The following CEACAM6 variants were observed in gnomAD, a reference collection of about 807,000 sequenced individuals.
CEACAM6 encodes cell adhesion molecule CEACAM6.
A neutral mutation model predicts 32.4 loss-of-function variants in CEACAM6; 21 were observed. The ratio of observed to expected loss-of-function variants is 0.65; its 90% confidence interval spans 0.46 to 0.93. The LOEUF (loss-of-function observed/expected upper bound fraction) is 0.93, where lower values mean the gene tolerates loss of function less well. CEACAM6 is among the 40% of genes least tolerant of loss of function. The pLI, the probability that CEACAM6 is intolerant of heterozygous loss-of-function variation, is 0.00. For missense variants in CEACAM6, 406 were observed against 432.2 expected, an observed-to-expected ratio of 0.94 and a Z score of 0.54; for synonymous variants, 184 against 174.4, an observed-to-expected ratio of 1.06 and a Z score of -0.43.
rs782594731 is a variant in CEACAM6, at chr19:41,761,288, A to G, written c.464A>G (p.Asn155Ser). Residue 155 changes from asparagine (N) to serine (S), a missense_variant, in exon 3 of 6, where the codon AAC (asparagine) becomes AGC (serine). By Grantham distance (46) the Asn-to-Ser change is conservative (BLOSUM62 1). Transcript: ENST00000199764. ...PKPSISSNNSNPVEDKDAVAF... is the reference protein window; with the variant it reads ...PKPSISSNNSSPVEDKDAVAF... ...CCCTCCATCTCCAGCAACAACTCCA[A>G]CCCCGTGGAGGACAAGGATGCTGTG... The G allele has an allele frequency of 1.2e-6, 2 of 1,613,902 alleles. No individual in the cohort carries two copies. The highest frequency in any genetic ancestry group is 4.5e-5 in the East Asian group (2 of 44,844).
rs2072908737 is a variant in CEACAM6, at chr19:41,759,315, A to AT, written c.425-1934_425-1933insT. 4.6e-5 allele frequency among the ~76,000 whole-genome samples: 7 copies of AT among 152,308 alleles called. No homozygotes were observed. The South Asian group carries it at 1.2e-3, about 27-fold the overall frequency. On this transcript the variant is annotated intron_variant, in intron 2 of 5. Coordinates refer to ENST00000199764, the MANE Select transcript of CEACAM6 (RefSeq NM_002483.7). ...ACATAGACTCTGCCCAGTTTAGATG[A>AT]ACTTAAACTCTCATTGTGTTTTCTC...
intron 1 of CEACAM6, 133 bp from the exon 2 acceptor site, chr19:41,756,467 C>CACAT: frequency 7.6e-7 from 1 of 1,319,630 alleles, no homozygotes; most frequent in Non-Finnish European, 1.0e-6. Flanking sequence ...CACACACACA[C>CACAT]ACACACACAC....
At chr19:41,765,433 A>G (rs1270513972) in intron 4 of CEACAM6, among the ~76,000 whole-genome samples, 1 of 152,226 alleles carries the variant, frequency 6.6e-6, no homozygotes, top group Non-Finnish European at 1.5e-5. Flanking sequence ...AAAACAGTGC[A>G]AAGAATCAAG....
chr19:41,765,849 C>T (rs567010415), intron 4 of CEACAM6, among the ~76,000 whole-genome samples: 1 of 152,324 alleles, frequency 6.6e-6, no homozygotes, highest in East Asian at 1.9e-4. Context: ...CCAACAGGCT[C>T]TTATTCATGG....
Position 41,771,694 on chromosome 19 carries a change from C to T in CEACAM6, c.*933C>T, listed in dbSNP as rs1184044771. The stretch of plus-strand genomic sequence containing the variant: ...TAAATGTCTGCATGCAGCCAGCCAT[C>T]AAATAGTGAATGGTCTCTCTTTGGC... On this transcript the variant is annotated 3_prime_UTR_variant, in exon 6 of 6. Coordinates refer to ENST00000199764, the MANE Select transcript of CEACAM6 (RefSeq NM_002483.7). 1 of 152,172 alleles carries T rather than the reference C, an allele frequency of 6.6e-6. No individual in the cohort carries two copies. The highest frequency in any genetic ancestry group is 1.5e-5 in the Non-Finnish European group (1 of 68,038). 9.4% of individuals were successfully genotyped at this position (152,172 alleles called of 1,614,324 possible).
Position 41,766,158 on chromosome 19 carries a change from A to G in CEACAM6, c.959-25A>G, listed in dbSNP as rs782426203. 2.6e-6 allele frequency: 4 copies of G among 1,567,926 alleles called. No homozygotes were observed. The South Asian group carries it at 4.7e-5, about 18-fold the overall frequency. On this transcript the variant is annotated intron_variant, in intron 4 of 5. Transcript: ENST00000199764. ...CCCACTGTAGAATAACATCACCTTC[A>G]TTCCTTCTCTCTTCTTCCCACAAGG...
chr19:41,767,162 T>C (rs2072961695), intron 5 of CEACAM6, among the ~76,000 whole-genome samples: 1 of 152,208 alleles, frequency 6.6e-6, no homozygotes, highest in African/African-American at 2.4e-5. Context: ...TACACATCCC[T>C]GCCCCTTTAC....
At chr19:41,770,316 G>A (rs1301835346) in intron 5 of CEACAM6, among the ~76,000 whole-genome samples, 2 of 151,198 alleles carry the variant, frequency 1.3e-5, no homozygotes, top group Non-Finnish European at 2.9e-5. Context: ...CCAGTTACTC[G>A]GGAGGCTGAG....
Position 41,766,216 on chromosome 19 carries a change from TCGGCATCAC to T in CEACAM6, c.993_1001del (p.Gly332_Thr334del). ...CCTGTCCTCTCAGCTGTGGCCACCG[TCGGCATCAC>T]GATTGGAGTGCTGGCCAGGGTGGCT... On this transcript the variant is annotated inframe_deletion, in exon 5 of 6. Coordinates refer to ENST00000199764, the MANE Select transcript of CEACAM6 (RefSeq NM_002483.7). 1 of 1,608,240 alleles carries T rather than the reference TCGGCATCAC, an allele frequency of 6.2e-7. No homozygotes were observed. Among genetic ancestry groups the T allele is most frequent in the African/African-American group, 1.3e-5 (1 of 74,706 alleles).
intron 5 of CEACAM6, 93 bp downstream of exon 5, chr19:41,766,392 G>T: frequency 5.3e-6 from 3 of 564,894 alleles, no homozygotes; most frequent in Admixed American, 7.6e-5. Context: ...TCTGGGACTG[G>T]ATCTCCTTCT....
intron 5 of CEACAM6, 75 bp downstream of exon 5, chr19:41,766,374 C>T (rs1041931559): frequency 1.5e-6 from 1 of 667,018 alleles, no homozygotes; most frequent in Non-Finnish European, 2.5e-6. Context: ...AAAACTTCTT[C>T]ACCTGTATCT....
Position 41,755,609 on chromosome 19 carries a change from A to T in CEACAM6, c.-30A>T. On this transcript the variant is annotated 5_prime_UTR_variant, in exon 1 of 6. Coordinates refer to ENST00000199764, the MANE Select transcript of CEACAM6 (RefSeq NM_002483.7). ...TTCCTGGAGCTCAAGCTCCTCTACA[A>T]AGAGGTGGACAGAGAAGACAGCAGA... 1 of 1,609,274 alleles carries T rather than the reference A, an allele frequency of 6.2e-7. No individual in the cohort carries two copies. Among genetic ancestry groups the T allele is most frequent in the Non-Finnish European group, 8.5e-7 (1 of 1,176,216 alleles).
intron 4 of CEACAM6, 53 bp downstream of exon 4, chr19:41,762,276 T>C: frequency 6.3e-7 from 1 of 1,577,742 alleles, no homozygotes; most frequent in Non-Finnish European, 8.6e-7. Context: ...AGTCTGGCTC[T>C]CAGAGAAGAG....
At chr19:41,761,225 A>G in intron 2 of CEACAM6, 24 bp from the exon 3 acceptor site, 1 of 1,614,082 alleles carries the variant, frequency 6.2e-7, no homozygotes, top group Non-Finnish European at 8.5e-7. Flanking sequence ...ACACAGGGCA[A>G]TCTTCTCTCT....
intron 2 of CEACAM6, among the ~76,000 whole-genome samples, chr19:41,758,334 CAGG>C (rs1211129877): frequency 6.6e-6 from 1 of 152,232 alleles, no homozygotes; most frequent in African/African-American, 2.4e-5. Context: ...CACGCTCGCT[CAGG>C]AGTTCTCTCT....
intron 4 of CEACAM6, among the ~76,000 whole-genome samples, chr19:41,765,719 G>C (rs1184106041): frequency 6.6e-6 from 1 of 152,130 alleles, no homozygotes; most frequent in Non-Finnish European, 1.5e-5. Context: ...CACAGACCTG[G>C]GCTTGCTTTC....
intron 5 of CEACAM6, among the ~76,000 whole-genome samples, chr19:41,768,144 A>G (rs1470275091): frequency 6.6e-6 from 1 of 151,820 alleles, no homozygotes; most frequent in Non-Finnish European, 1.5e-5. Flanking sequence ...GGGATTTGGC[A>G]GGGTCATAGG....
chr19:41,769,539 C>T (rs2072979370), intron 5 of CEACAM6, among the ~76,000 whole-genome samples: 1 of 151,722 alleles, frequency 6.6e-6, no homozygotes, highest in Admixed American at 6.6e-5. Flanking sequence ...TTTGTGGATT[C>T]TTTGTTTTGT....
intron 2 of CEACAM6, 70 bp from the exon 3 acceptor site, chr19:41,761,179 T>A (rs2072920573): frequency 6.2e-7 from 1 of 1,607,886 alleles, no homozygotes; most frequent in Non-Finnish European, 8.5e-7. Context: ...ATGCCAACTC[T>A]GATTGAAAGA....
Sources: allele counts gnomAD v4.1 joint callset (sites outside exome capture counted in the v4.1 genomes callset), GRCh38; gene constraint gnomAD v4.1.1; transcripts MANE v1.5; gene names NCBI Gene and HGNC (gene_info 2026-07-23, HGNC 2026-07-21).